Variants in ADAM32 observed in about 807,000 individuals in gnomAD.
The protein encoded by ADAM32 is disintegrin and metalloproteinase domain-containing protein 32.
Under a neutral mutation model 114.9 loss-of-function variants are expected in ADAM32, and 89 were observed. That is an observed-to-expected ratio of 0.77 (90% confidence interval 0.65 to 0.92). The LOEUF (loss-of-function observed/expected upper bound fraction) is 0.92. Among genes scored for constraint, ADAM32 ranks in the 40% least tolerant of loss-of-function variants. The probability of loss-of-function intolerance (pLI) is 0.00; values close to 1 mark genes in which losing one functional copy is unlikely to be tolerated. For synonymous variants in ADAM32, 285 were observed against 307.5 expected, an observed-to-expected ratio of 0.93 and a Z score of 0.77; for missense variants, 870 against 932.8, an observed-to-expected ratio of 0.93 and a Z score of 0.88.
In ADAM32 at chr8:39,223,080, C is replaced by G. The variant is rs1356397177; in HGVS notation, c.1367C>G (p.Pro456Arg). 6.3e-7 allele frequency: 1 copy of G among 1,591,016 alleles called. No homozygotes were observed. The change falls in exon 14 of 25, where the codon CCT becomes CGT. Residue 456 changes from proline (P) to arginine (R), a missense_variant. Transcript: ENST00000379907. ...SGVECRPKAH[P>R]ECDIAENCNG... is the part of the protein sequence containing the mutation. ...GTTGAATGTAGGCCGAAAGCACATC[C>G]TGAATGTGACATCGCTGAAAATTGT... is the stretch of plus-strand genomic sequence containing the variant.
intron 19 of ADAM32, among the ~76,000 whole-genome samples, chr8:39,269,091 C>A (rs951623787): frequency 1.3e-5 from 2 of 152,194 alleles, no homozygotes; most frequent in Non-Finnish European, 2.9e-5. Flanking sequence ...AGGGGGTCTT[C>A]CCCCAATCTC....
At chr8:39,149,340 T>C (rs972430193) in intron 4 of ADAM32, among the ~76,000 whole-genome samples, 1 of 152,144 alleles carries the variant, frequency 6.6e-6, no homozygotes. Flanking sequence ...AAAGTCCACA[T>C]TTCCTCTCTT....
At chr8:39,230,701 G>A (rs991162902) in intron 14 of ADAM32, among the ~76,000 whole-genome samples, 1 of 152,040 alleles carries the variant, frequency 6.6e-6, no homozygotes, top group South Asian at 2.1e-4. Context: ...GGTGGAAAGG[G>A]ATAAGATGAG....
At chr8:39,247,740 G>T (rs933569835) in intron 17 of ADAM32, among the ~76,000 whole-genome samples, 2 of 146,602 alleles carry the variant, frequency 1.4e-5, no homozygotes, top group Non-Finnish European at 3.0e-5. Context: ...CTTCAGTATT[G>T]TATCTAAAAA....
chr8:39,160,993 G>T, intron 7 of ADAM32, 28 bp downstream of exon 7: 1 of 1,520,042 alleles, frequency 6.6e-7, no homozygotes, highest in African/African-American at 1.4e-5. Context: ...TCTTTGCTTT[G>T]AAATATTTGA....
intron 22 of ADAM32, among the ~76,000 whole-genome samples, chr8:39,279,224 T>C (rs1352827483): frequency 6.6e-6 from 1 of 152,202 alleles, no homozygotes; most frequent in Non-Finnish European, 1.5e-5. Flanking sequence ...ATTCTTTCTC[T>C]TTTTTCCACT....
At chr8:39,251,235 T>C (rs1418396271) in intron 17 of ADAM32, among the ~76,000 whole-genome samples, 1 of 151,954 alleles carries the variant, frequency 6.6e-6, no homozygotes, top group Non-Finnish European at 1.5e-5. Flanking sequence ...TTTAGTTTTT[T>C]TGAGGAATCT....
intron 10 of ADAM32, among the ~76,000 whole-genome samples, chr8:39,176,072 C>G (rs869224868): frequency 3.9e-5 from 6 of 152,062 alleles, no homozygotes; most frequent in African/African-American, 1.4e-4. Context: ...ATTCTTCTCT[C>G]TTTTCTTCTT....
intron 10 of ADAM32, among the ~76,000 whole-genome samples, chr8:39,181,821 A>G (rs1439216838): frequency 6.6e-6 from 1 of 152,168 alleles, no homozygotes; most frequent in Non-Finnish European, 1.5e-5. Flanking sequence ...GAAAAAATGC[A>G]GATGATCAGT....
chr8:39,193,869 G>A (rs943989657), intron 11 of ADAM32, among the ~76,000 whole-genome samples: 3 of 152,196 alleles, frequency 2.0e-5, no homozygotes, highest in Non-Finnish European at 4.4e-5. Context: ...ACCTGCTTCT[G>A]TGGAGGAGCC....
chr8:39,271,286 A>G (rs1447573665), intron 20 of ADAM32, among the ~76,000 whole-genome samples: 1 of 152,202 alleles, frequency 6.6e-6, no homozygotes, highest in Non-Finnish European at 1.5e-5. Flanking sequence ...TGGTGGTTCC[A>G]TAAGATTATA....
chr8:39,202,363 T>C (rs1246743736), intron 11 of ADAM32, among the ~76,000 whole-genome samples: 1 of 152,196 alleles, frequency 6.6e-6, no homozygotes, highest in Non-Finnish European at 1.5e-5. Flanking sequence ...TGGGAGGGTG[T>C]ATGTGTCCAG....
At chr8:39,277,460 C>T (rs986919542) in intron 22 of ADAM32, among the ~76,000 whole-genome samples, 3 of 152,070 alleles carry the variant, frequency 2.0e-5, no homozygotes, top group African/African-American at 7.2e-5. Flanking sequence ...AAGTTGAAGC[C>T]AAAGAAAGCA....
At chr8:39,242,995 C>T (rs1483016036) in intron 16 of ADAM32, among the ~76,000 whole-genome samples, 1 of 152,090 alleles carries the variant, frequency 6.6e-6, no homozygotes, top group African/African-American at 2.4e-5. Flanking sequence ...TTGAAGGCTA[C>T]TATGAACACC....
At chr8:39,193,646 G>A (rs1012261209) in intron 11 of ADAM32, among the ~76,000 whole-genome samples, 9 of 152,086 alleles carry the variant, frequency 5.9e-5, no homozygotes, top group Admixed American at 3.3e-4. Context: ...CCTTCAATCC[G>A]TGATGTGGTT....
At chr8:39,125,395 G>A (rs1169633734) in intron 2 of ADAM32, among the ~76,000 whole-genome samples, 1 of 152,122 alleles carries the variant, frequency 6.6e-6, no homozygotes, top group Admixed American at 6.6e-5. Flanking sequence ...TGTTTTGGAA[G>A]CACGTAACTT....
In ADAM32 at chr8:39,118,176, T is replaced by G. The variant is rs1175907428; in HGVS notation, c.138+11T>G. The G allele has an allele frequency of 2.9e-6, 4 of 1,366,354 alleles. No homozygotes were observed. The highest frequency in any genetic ancestry group is 3.9e-6 in the Non-Finnish European group (4 of 1,027,282). The allele number at this position is 1,366,354 out of a possible 1,614,324, so 84.6% of individuals were successfully genotyped here. On this transcript the variant is annotated intron_variant, in intron 2 of 24. Transcript: ENST00000379907. ...TCAGAAATAGAATATGTAAGAGATA[T>G]TTTTTCACAATCTAAATGTTTATAT...
chr8:39,233,720 G>A (rs1264691817), intron 15 of ADAM32, among the ~76,000 whole-genome samples, 179 bp from the exon 16 acceptor site: 1 of 152,072 alleles, frequency 6.6e-6, no homozygotes, highest in East Asian at 1.9e-4. Flanking sequence ...GTTAAGCTAG[G>A]ATCAATGGAT....
intron 2 of ADAM32, among the ~76,000 whole-genome samples, chr8:39,127,359 T>C (rs951328256): frequency 6.6e-6 from 1 of 152,198 alleles, no homozygotes; most frequent in African/African-American, 2.4e-5. Context: ...TTTCAGAACT[T>C]GTTATTGGTC....
Sources: gnomAD v4.1 joint callset for allele counts (sites outside exome capture counted in the v4.1 genomes callset) on GRCh38, gnomAD v4.1.1 for gene constraint, MANE v1.5 for transcripts, NCBI Gene and HGNC (gene_info 2026-07-23, HGNC 2026-07-21) for gene names.